CHRM3: variants seen among roughly 807,000 people sequenced by gnomAD.
CHRM3 encodes muscarinic acetylcholine receptor M3.
Under a neutral mutation model 41.8 loss-of-function variants are expected in CHRM3, and 11 were observed. The observed-to-expected ratio is 0.26, with a 90% confidence interval of 0.17 to 0.44. The LOEUF is 0.44. CHRM3 is among the 20% of genes least tolerant of loss of function. The pLI is 1.00. For missense variants in CHRM3, 571 were observed against 745.4 expected, an observed-to-expected ratio of 0.77 and a Z score of 2.72; for synonymous variants, 297 against 301.4, an observed-to-expected ratio of 0.99 and a Z score of 0.15.
Position 239,622,199 on chromosome 1 carries a change from C to T in CHRM3, c.-312-10025C>T, listed in dbSNP as rs73124651. Among the ~76,000 whole-genome samples, 658 of 152,228 alleles carry T rather than the reference C, an allele frequency of 4.3e-3. 4 individuals are homozygous for T. The highest frequency in any genetic ancestry group is 0.015 in the African/African-American group (611 of 41,538). ...ATTTAAAAATATTACTATTCACTGACAATGCATCTACTCGTCCAATAGCTC... is the reference window on the plus strand; with the variant it reads ...ATTTAAAAATATTACTATTCACTGATAATGCATCTACTCGTCCAATAGCTC... On this transcript the variant is annotated intron_variant, in intron 3 of 6. Coordinates refer to ENST00000676153, the MANE Select transcript of CHRM3 (RefSeq NM_001375978.1).
intron 3 of CHRM3, among the ~76,000 whole-genome samples, chr1:239,588,814 T>C (rs1297368135): frequency 6.6e-6 from 1 of 152,126 alleles, no homozygotes; most frequent in Admixed American, 6.5e-5. Context: ...TGAATAGAAA[T>C]ACATGTATAT....
intron 4 of CHRM3, among the ~76,000 whole-genome samples, chr1:239,675,728 A>G (rs1045057548): frequency 6.6e-6 from 1 of 152,196 alleles, no homozygotes; most frequent in African/African-American, 2.4e-5. Context: ...ATCAAATTCT[A>G]TCCTCTTTCA....
At chr1:239,722,271 T>C (rs1381194351) in intron 5 of CHRM3, among the ~76,000 whole-genome samples, 1 of 152,032 alleles carries the variant, frequency 6.6e-6, no homozygotes, top group African/African-American at 2.4e-5. Context: ...TTCAGTCAGG[T>C]TGACTCAATA....
chr1:239,907,734 G>A lies in CHRM3; in HGVS notation c.283G>A (p.Val95Ile), dbSNP rs1680087846. 1.2e-6 allele frequency: 2 copies of A among 1,614,158 alleles called. No individual in the cohort carries two copies. Among genetic ancestry groups the A allele is most frequent in the Admixed American group, 1.7e-5 (1 of 60,018 alleles). Residue 95 changes from valine to isoleucine, a missense_variant, in exon 7 of 7, where the codon GTC becomes ATC. Physicochemically the swap from Val to Ile is conservative, Grantham distance 29. Around this residue, in one of 5 missense-constraint regions of CHRM3, gnomAD observed 153 missense variants for 296.3 expected, o/e 0.52. Coordinates refer to ENST00000676153, the MANE Select transcript of CHRM3 (RefSeq NM_001375978.1). This position sits in a 1 kb window ranked among gnomAD's most constrained non-coding sequence, Gnocchi z 5.4. ...GNILVIVSFK[V>I]NKQLKTVNNY... ...CATCCTGGTAATTGTGTCATTTAAG[G>A]TCAACAAGCAGCTGAAGACGGTCAA...
chr1:239,905,761 G>A (rs1027410627), intron 6 of CHRM3, among the ~76,000 whole-genome samples: 3 of 152,136 alleles, frequency 2.0e-5, no homozygotes, highest in African/African-American at 7.2e-5. Context: ...GTACCACACA[G>A]TAAATGTCCA....
chr1:239,806,417 T>TACACACACACACACAC (rs5782102), intron 5 of CHRM3, among the ~76,000 whole-genome samples: 4 of 146,030 alleles, frequency 2.7e-5, no homozygotes, highest in African/African-American at 1.0e-4. Context: ...AGGATGGAGT[T>TACACACACACACACAC]ACACACACAC....
At chr1:239,701,309 T>C (rs1660663946) in intron 5 of CHRM3, among the ~76,000 whole-genome samples, 1 of 152,192 alleles carries the variant, frequency 6.6e-6, no homozygotes, top group Admixed American at 6.5e-5. Context: ...GACAGCCTTC[T>C]CTCTCTAGCA....
chr1:239,788,658 C>T (rs916910040), intron 5 of CHRM3, among the ~76,000 whole-genome samples: 3 of 151,820 alleles, frequency 2.0e-5, no homozygotes, highest in African/African-American at 4.8e-5. Context: ...CCTAGCTACT[C>T]GGGAGGCTGA....
intron 5 of CHRM3, 140 bp downstream of exon 5, chr1:239,678,428 T>G (rs1276528154): frequency 6.6e-6 from 1 of 152,198 alleles, no homozygotes. Flanking sequence ...CTTTTCTACT[T>G]AGAAGCATGT....
intron 2 of CHRM3, among the ~76,000 whole-genome samples, chr1:239,507,222 T>C (rs1457218852): frequency 6.6e-6 from 1 of 152,194 alleles, no homozygotes. Context: ...GGTTTGGCTA[T>C]GCCCCTACCC....
intron 6 of CHRM3, among the ~76,000 whole-genome samples, chr1:239,832,594 A>G (rs58692363): frequency 0.02 from 3,011 of 152,152 alleles, 112 homozygotes; most frequent in African/African-American, 0.069. Context: ...AGTGCAAAGC[A>G]AAAGTAAATT....
chr1:239,850,801 C>T (rs533345531), intron 6 of CHRM3, among the ~76,000 whole-genome samples: 15 of 152,196 alleles, frequency 9.9e-5, no homozygotes, highest in African/African-American at 2.9e-4. Context: ...TGAAGAAGGA[C>T]GTGTTTTCTT....
At chr1:239,779,163 C>G (rs78478847) in intron 5 of CHRM3, among the ~76,000 whole-genome samples, 5 of 151,988 alleles carry the variant, frequency 3.3e-5, no homozygotes, top group Admixed American at 3.3e-4. Flanking sequence ...ATAGACTACA[C>G]GTTTTAGAGA....
At chr1:239,802,520 G>C (rs1670300484) in intron 5 of CHRM3, among the ~76,000 whole-genome samples, 1 of 152,192 alleles carries the variant, frequency 6.6e-6, no homozygotes, top group East Asian at 1.9e-4. Context: ...CAGTAAAACA[G>C]TATATCACAT....
At chr1:239,880,759 AGTGCT>A (rs1364686555) in intron 6 of CHRM3, among the ~76,000 whole-genome samples, 1 of 152,120 alleles carries the variant, frequency 6.6e-6, no homozygotes, top group East Asian at 1.9e-4. Context: ...AGCCTCTCAA[AGTGCT>A]GCAATTATAG....
At chr1:239,460,868 T>C (rs961049173) in intron 1 of CHRM3, among the ~76,000 whole-genome samples, 28 of 152,216 alleles carry the variant, frequency 1.8e-4, no homozygotes, top group African/African-American at 6.3e-4. Context: ...TAGACAAATG[T>C]ATAGTGATTC....
intron 4 of CHRM3, among the ~76,000 whole-genome samples, chr1:239,641,209 TGTG>T (rs1671108876): frequency 6.6e-6 from 1 of 152,044 alleles, no homozygotes; most frequent in African/African-American, 2.4e-5. Context: ...TTGGAATCGG[TGTG>T]GTGCGGTGCT....
chr1:239,825,056 CTGGGTTACAGTGG>C (rs1442552939), intron 5 of CHRM3, among the ~76,000 whole-genome samples: 1 of 152,218 alleles, frequency 6.6e-6, no homozygotes, highest in African/African-American at 2.4e-5. Flanking sequence ...GTGATCAGCA[CTGGGTTACAGTGG>C]TGGGCCAAGC....
At chr1:239,889,193 G>A (rs1678331715) in intron 6 of CHRM3, among the ~76,000 whole-genome samples, 1 of 152,194 alleles carries the variant, frequency 6.6e-6, no homozygotes, top group Non-Finnish European at 1.5e-5. Flanking sequence ...TGCCTGGTGA[G>A]GAGGTGTTGT....
Sources: allele counts gnomAD v4.1 joint callset (sites outside exome capture counted in the v4.1 genomes callset), GRCh38; gene constraint gnomAD v4.1.1; regional missense constraint gnomAD v4.1.1; non-coding constraint Gnocchi (gnomAD v3.1); transcripts MANE v1.5; gene names NCBI Gene and HGNC (gene_info 2026-07-23, HGNC 2026-07-21).